The following DOK6 variants were observed in gnomAD, a reference collection of about 807,000 sequenced individuals.
DOK6 encodes the protein docking protein 6.
DOK6 carries 22 observed loss-of-function variants against 44.0 expected under a neutral mutation model. That is an observed-to-expected ratio of 0.50 (90% CI 0.36 to 0.71). DOK6 has a LOEUF of 0.71. Ranked by LOEUF, DOK6 falls within the 30% of genes least tolerant of loss-of-function variation. The pLI, the probability that DOK6 is intolerant of heterozygous loss-of-function variation, is 0.00. For missense variants in DOK6, 340 were observed against 416.4 expected (o/e 0.82, Z 1.60); for synonymous variants, 166 against 145.5 (o/e 1.14, Z -1.01).
chr18:69,591,099 G>A (rs1178728224), intron 2 of DOK6, among the ~76,000 whole-genome samples: 2 of 152,104 alleles, frequency 1.3e-5, no homozygotes, highest in Non-Finnish European at 2.9e-5. Context: ...CAATCATGCA[G>A]TTACCTAAAT....
chr18:69,506,217 C>T (rs1981182448), intron 1 of DOK6, among the ~76,000 whole-genome samples: 1 of 151,998 alleles, frequency 6.6e-6, no homozygotes, highest in Non-Finnish European at 1.5e-5. Flanking sequence ...AAAGTAGCAC[C>T]ATCACTCAGG....
At chr18:69,559,516 CT>C (rs1982775076) in intron 1 of DOK6, among the ~76,000 whole-genome samples, 1 of 152,076 alleles carries the variant, frequency 6.6e-6, no homozygotes, top group Admixed American at 6.6e-5. Flanking sequence ...TTGCAGATAT[CT>C]TTTTCTGTTA....
intron 5 of DOK6, among the ~76,000 whole-genome samples, chr18:69,700,785 G>A (rs1023435839): frequency 6.6e-6 from 1 of 152,148 alleles, no homozygotes; most frequent in Non-Finnish European, 1.5e-5. Flanking sequence ...GGGACATTGT[G>A]TTCCCTGGGT....
intron 2 of DOK6, among the ~76,000 whole-genome samples, chr18:69,583,752 C>CAAAAA (rs36222332): frequency 7.0e-5 from 10 of 143,768 alleles, no homozygotes; most frequent in South Asian, 2.2e-4. Context: ...TCCATCCATA[C>CAAAAA]AAAAAAAAAA....
At chr18:69,595,476 T>C (rs1259192704) in intron 2 of DOK6, among the ~76,000 whole-genome samples, 1 of 152,158 alleles carries the variant, frequency 6.6e-6, no homozygotes, top group Non-Finnish European at 1.5e-5. Flanking sequence ...TTGAACATCA[T>C]CTTGTCTCTT....
At chr18:69,564,665 T>C in intron 2 of DOK6, 71 bp downstream of exon 2, 1 of 1,277,284 alleles carries the variant, frequency 7.8e-7, no homozygotes, top group Non-Finnish European at 1.1e-6. Flanking sequence ...ATTTCTTTGA[T>C]AAATGAAATC....
intron 3 of DOK6, among the ~76,000 whole-genome samples, chr18:69,608,331 T>G (rs1191025930): frequency 6.6e-6 from 1 of 152,200 alleles, no homozygotes; most frequent in African/African-American, 2.4e-5. Context: ...ACGTGTGGAT[T>G]CATGTCTGGG....
intron 4 of DOK6, among the ~76,000 whole-genome samples, chr18:69,686,991 A>G (rs1986167842): frequency 6.6e-6 from 1 of 152,128 alleles, no homozygotes; most frequent in South Asian, 2.1e-4. Context: ...ACACTTAAAT[A>G]AGAAATAATA....
At chr18:69,416,033 C>T (rs1978332347) in intron 1 of DOK6, among the ~76,000 whole-genome samples, 4 of 149,648 alleles carry the variant, frequency 2.7e-5, no homozygotes. Context: ...TTTTCTTCTG[C>T]TTTCCAGATC....
chr18:69,498,805 G>T (rs1980968845), intron 1 of DOK6, among the ~76,000 whole-genome samples: 1 of 152,138 alleles, frequency 6.6e-6, no homozygotes, highest in South Asian at 2.1e-4. Flanking sequence ...AACTCCAGTG[G>T]GAAACATAGT....
At chr18:69,620,851 G>T (rs1984424174) in intron 3 of DOK6, among the ~76,000 whole-genome samples, 1 of 152,138 alleles carries the variant, frequency 6.6e-6, no homozygotes, top group African/African-American at 2.4e-5. Flanking sequence ...TCAGGACGTT[G>T]TGTTTTATGT....
chr18:69,437,890 C>A (rs934336891), intron 1 of DOK6, among the ~76,000 whole-genome samples: 1 of 152,126 alleles, frequency 6.6e-6, no homozygotes. Flanking sequence ...ATATAAAAGT[C>A]ATGTTCACAC....
intron 3 of DOK6, among the ~76,000 whole-genome samples, chr18:69,630,459 G>A (rs148630368): frequency 3.7e-4 from 57 of 152,276 alleles, no homozygotes; most frequent in African/African-American, 1.3e-3. Flanking sequence ...TTTTGCATGA[G>A]TGAGGAAAGC....
intron 1 of DOK6, among the ~76,000 whole-genome samples, chr18:69,562,016 T>C (rs886815207): frequency 1.3e-5 from 2 of 152,198 alleles, no homozygotes; most frequent in African/African-American, 4.8e-5. Flanking sequence ...GATTTCCTCA[T>C]GGGCATAAAG....
rs1315296884 is a variant in DOK6 at position 69,738,637 on chromosome 18, T to C, written c.600-328T>C. ...TGTATCATGATAGTCTATGTCATAA[T>C]GGCAGATAAAAACACTAATTCATTT... On this transcript the variant is annotated intron_variant, in intron 5 of 7. Coordinates refer to ENST00000382713, the MANE Select transcript of DOK6 (RefSeq NM_152721.6). Among the ~76,000 whole-genome samples the C allele has an allele frequency of 2.0e-5, 3 of 152,242 alleles. No homozygotes were observed. In the East Asian group the frequency reaches 5.8e-4, roughly 29 times the overall value.
At chr18:69,653,375 C>A (rs1411418507) in intron 3 of DOK6, among the ~76,000 whole-genome samples, 1 of 151,654 alleles carries the variant, frequency 6.6e-6, no homozygotes, top group Admixed American at 6.6e-5. Flanking sequence ...GAGCTGAGGT[C>A]CCGGAGAAAA....
intron 1 of DOK6, among the ~76,000 whole-genome samples, chr18:69,533,219 A>G (rs1263342981): frequency 1.3e-5 from 2 of 151,698 alleles, no homozygotes; most frequent in African/African-American, 2.4e-5. Context: ...CATAAACTAC[A>G]TATGTTCAAG....
At chr18:69,412,507 G>A (rs945592847) in intron 1 of DOK6, among the ~76,000 whole-genome samples, 2 of 152,032 alleles carry the variant, frequency 1.3e-5, no homozygotes, top group Non-Finnish European at 1.5e-5. Flanking sequence ...AGAATTATTT[G>A]TTTCAGGCTT....
intron 1 of DOK6, among the ~76,000 whole-genome samples, chr18:69,516,150 G>T (rs558262091): frequency 2.0e-5 from 3 of 152,170 alleles, no homozygotes; most frequent in African/African-American, 7.2e-5. Context: ...GGTGGAGTGC[G>T]TATAATGGCC....
Sources: gnomAD v4.1 joint callset for allele counts (sites outside exome capture counted in the v4.1 genomes callset) on GRCh38, gnomAD v4.1.1 for gene constraint, MANE v1.5 for transcripts, NCBI Gene and HGNC (gene_info 2026-07-23, HGNC 2026-07-21) for gene names.